The following PTGER3 variants were observed in gnomAD, a reference collection of about 807,000 sequenced individuals.
PTGER3 encodes prostaglandin E2 receptor EP3 subtype.
A neutral mutation model predicts 34.7 loss-of-function variants in PTGER3; 22 were observed. That is an observed-to-expected ratio of 0.63 (90% confidence interval 0.45 to 0.91). The LOEUF (loss-of-function observed/expected upper bound fraction) is 0.91, where lower values mean the gene tolerates loss of function less well. Among genes scored for constraint, PTGER3 ranks in the 40% least tolerant of loss-of-function variants. PTGER3 has a pLI of 0.00. For synonymous variants in PTGER3, 241 were observed against 230.1 expected (o/e 1.05, Z -0.43); for missense variants, 468 against 519.4 (o/e 0.90, Z 0.96).
intron 4 of PTGER3, among the ~76,000 whole-genome samples, chr1:70,944,744 T>C (rs1357645522): frequency 5.9e-5 from 9 of 152,088 alleles, no homozygotes. Flanking sequence ...AAATGCTACC[T>C]ATTGTGCCAT....
chr1:71,047,553 C>A lies in PTGER3; in HGVS notation c.25G>T (p.Gly9Trp). ...AGGCGGGTGCAGAAGGGGGCATCCCCTCCGTAGCCCCGGGTCTCCTTCATG... is the reference window on the plus strand; with the variant it reads ...AGGCGGGTGCAGAAGGGGGCATCCCATCCGTAGCCCCGGGTCTCCTTCATG... MKETRGYG[G>W]DAPFCTRLNH... The change falls in exon 1 of 4, where the codon GGG (glycine) becomes TGG (tryptophan). Residue 9 changes from glycine to tryptophan, a missense_variant. By Grantham distance (184) the Gly-to-Trp change is radical. Coordinates refer to ENST00000306666, the MANE Select transcript of PTGER3 (RefSeq NM_198719.2). 6.4e-7 allele frequency: 1 copy of A among 1,562,994 alleles called. No individual in the cohort carries two copies. Among genetic ancestry groups the A allele is most frequent in the Non-Finnish European group, 8.7e-7 (1 of 1,151,128 alleles).
At chr1:70,970,752 C>G (rs915574775), downstream of PTGER3, 1 of 522,892 alleles carries the variant, frequency 1.9e-6, no homozygotes, top group African/African-American at 2.1e-5. Context: ...ACGGCATATC[C>G]GTTGAAAACT....
At chr1:70,936,120 T>C (rs1159012515) in intron 4 of PTGER3, among the ~76,000 whole-genome samples, 1 of 152,184 alleles carries the variant, frequency 6.6e-6, no homozygotes, top group African/African-American at 2.4e-5. Context: ...CTAGATAATA[T>C]GAGCTCTAAA....
intron 1 of PTGER3, among the ~76,000 whole-genome samples, chr1:71,024,513 GAT>G (rs1414838341): frequency 6.6e-6 from 1 of 152,050 alleles, no homozygotes; most frequent in Non-Finnish European, 1.5e-5. Context: ...AAGCCCAGTA[GAT>G]TAATAAAGTT....
At chr1:70,872,729 T>C (rs1646189467) in intron 4 of PTGER3, among the ~76,000 whole-genome samples, 1 of 152,192 alleles carries the variant, frequency 6.6e-6, no homozygotes, top group African/African-American at 2.4e-5. Context: ...GTTCTCATAG[T>C]CTATTTTGCT....
chr1:71,034,909 T>A (rs1373234435), intron 1 of PTGER3, among the ~76,000 whole-genome samples: 1 of 152,164 alleles, frequency 6.6e-6, no homozygotes, highest in African/African-American at 2.4e-5. Context: ...CCTCTCAGCT[T>A]TAGTTTTCTC....
At chr1:71,038,666 C>T (rs1233337974) in intron 1 of PTGER3, among the ~76,000 whole-genome samples, 1 of 152,190 alleles carries the variant, frequency 6.6e-6, no homozygotes, top group East Asian at 1.9e-4. Flanking sequence ...TCTGGAAAGG[C>T]CACTGGATAG....
intron 2 of PTGER3, among the ~76,000 whole-genome samples, chr1:70,956,815 C>T (rs911832456): frequency 4.6e-5 from 7 of 152,086 alleles, no homozygotes; most frequent in Non-Finnish European, 7.4e-5. Context: ...AACAGCCTGG[C>T]CAACATGGTG....
rs141859707 is a variant in PTGER3 at position 70,877,515 on chromosome 1, T to C, written c.*24-24656A>G. On this transcript the variant is annotated intron_variant, in intron 4 of 4. Transcript: ENST00000370931. Reference sequence around the variant, plus strand: ...CTTAAATAGGGGTGGTGAGAGTAGATATCTTTGTCTTGTTCCGGTTCTCAA... The same window carrying C: ...CTTAAATAGGGGTGGTGAGAGTAGACATCTTTGTCTTGTTCCGGTTCTCAA... Among the ~76,000 whole-genome samples the C allele has an allele frequency of 4.4e-3, 677 of 152,250 alleles. 4 individuals are homozygous for C. The highest frequency in any genetic ancestry group is 0.016 in the African/African-American group (653 of 41,550).
In PTGER3 at chr1:71,010,695, A is replaced by C. The variant is rs1657361986; in HGVS notation, c.1077+1610T>G. On this transcript the variant is annotated intron_variant, in intron 2 of 3. Transcript: ENST00000306666. The stretch of plus-strand genomic sequence containing the variant: ...CTATGGCATAGAGAGATTTTAGTAT[A>C]GTCTATTTATCACCTTTTCCAAAAT... 13 of 983,848 alleles carry C rather than the reference A, an allele frequency of 1.3e-5. No individual in the cohort carries two copies. The South Asian group carries it at 6.1e-4, about 46-fold the overall frequency. 60.9% of individuals were successfully genotyped at this position (983,848 alleles called of 1,614,324 possible).
intron 4 of PTGER3, among the ~76,000 whole-genome samples, chr1:70,873,933 G>T (rs903149766): frequency 3.9e-5 from 6 of 152,066 alleles, no homozygotes; most frequent in African/African-American, 1.2e-4. Flanking sequence ...GATACGTAAT[G>T]AAAGTGGTCT....
At chr1:70,992,775 T>C (rs1655591652) in intron 2 of PTGER3, among the ~76,000 whole-genome samples, 1 of 152,134 alleles carries the variant, frequency 6.6e-6, no homozygotes, top group Admixed American at 6.5e-5. Flanking sequence ...AATTAAAGCC[T>C]CACCCTACAC....
At chr1:70,918,230 C>T (rs1374418302) in intron 4 of PTGER3, among the ~76,000 whole-genome samples, 1 of 151,976 alleles carries the variant, frequency 6.6e-6, no homozygotes, top group East Asian at 1.9e-4. Context: ...TATCTCTCCA[C>T]CATATACAAA....
chr1:70,956,283 T>C (rs992553737), intron 2 of PTGER3, among the ~76,000 whole-genome samples: 4 of 152,138 alleles, frequency 2.6e-5, no homozygotes, highest in Non-Finnish European at 5.9e-5. Flanking sequence ...ACCAGATTAG[T>C]ATCAGCCAGG....
chr1:71,023,826 G>GT lies in PTGER3; in HGVS notation c.898-11343dup, dbSNP rs796706220. Among the ~76,000 whole-genome samples, 159 of 147,588 alleles carry GT rather than the reference G, an allele frequency of 1.1e-3. 3 individuals are homozygous for GT. The highest frequency in any genetic ancestry group is 5.3e-3 in the Admixed American group (78 of 14,766). On this transcript the variant is annotated intron_variant, in intron 1 of 3. Coordinates refer to ENST00000306666, the MANE Select transcript of PTGER3 (RefSeq NM_198719.2). Reference sequence around the variant, plus strand: ...CGGAGTCTCCAACTAACCTCTTATGGTTTTTTTTTTAATCTATCACTTCTC... The same window carrying GT: ...CGGAGTCTCCAACTAACCTCTTATGGTTTTTTTTTTTAATCTATCACTTCTC...
chr1:70,884,055 C>G (rs1273240333), intron 4 of PTGER3: 1 of 402,040 alleles, frequency 2.5e-6, no homozygotes, highest in African/African-American at 2.1e-5. Flanking sequence ...CCACTGCACT[C>G]CAGTCTGGGT....
At chr1:70,888,068 A>G (rs1479019202) in intron 4 of PTGER3, among the ~76,000 whole-genome samples, 1 of 152,190 alleles carries the variant, frequency 6.6e-6, no homozygotes, top group Non-Finnish European at 1.5e-5. Context: ...AAATCAGCAT[A>G]AGAGTACCAT....
intron 4 of PTGER3, among the ~76,000 whole-genome samples, chr1:70,938,363 A>G (rs1649433038): frequency 6.6e-6 from 1 of 152,192 alleles, no homozygotes; most frequent in South Asian, 2.1e-4. Flanking sequence ...TAAAATTACA[A>G]TGATTTATAA....
intron 4 of PTGER3, among the ~76,000 whole-genome samples, chr1:70,883,261 A>G (rs1398073973): frequency 6.6e-6 from 1 of 152,202 alleles, no homozygotes; most frequent in African/African-American, 2.4e-5. Context: ...CAAAATTAGT[A>G]TTCAATTTAT....
Sources: gnomAD v4.1 joint callset for allele counts (sites outside exome capture counted in the v4.1 genomes callset) on GRCh38, gnomAD v4.1.1 for gene constraint, MANE v1.5 for transcripts, NCBI Gene and HGNC (gene_info 2026-07-23, HGNC 2026-07-21) for gene names.